The following SRBD1 variants were observed in gnomAD, a reference collection of about 807,000 sequenced individuals.
The protein encoded by SRBD1 is S1 RNA binding domain 1.
In SRBD1, 88 loss-of-function variants were observed where a neutral mutation model predicts 115.3. That is an observed-to-expected ratio of 0.76 (90% confidence interval 0.64 to 0.91). The LOEUF (loss-of-function observed/expected upper bound fraction) is 0.91. Ranked by LOEUF, SRBD1 falls within the 40% of genes least tolerant of loss-of-function variation. SRBD1 has a pLI of 0.00. For missense variants in SRBD1, 1,385 were observed against 1,177.4 expected, an observed-to-expected ratio of 1.18 and a Z score of -2.58; for synonymous variants, 509 against 407.7, an observed-to-expected ratio of 1.25 and a Z score of -2.99.
intron 19 of SRBD1, among the ~76,000 whole-genome samples, chr2:45,403,193 T>C (rs1667336984): frequency 6.6e-6 from 1 of 152,120 alleles, no homozygotes; most frequent in Non-Finnish European, 1.5e-5. Context: ...GTCTTGAAAT[T>C]TTTTCAATCC....
At chr2:45,463,175 AC>A (rs1279282964) in intron 16 of SRBD1, among the ~76,000 whole-genome samples, 1 of 152,152 alleles carries the variant, frequency 6.6e-6, no homozygotes, top group Non-Finnish European at 1.5e-5. Context: ...CCATGAGTGA[AC>A]CCATACCATA....
intron 5 of SRBD1, among the ~76,000 whole-genome samples, chr2:45,585,383 C>T (rs562821810): frequency 4.6e-5 from 7 of 152,316 alleles, no homozygotes; most frequent in African/African-American, 1.7e-4. Context: ...GAGGCACACA[C>T]TTTTACTGCA....
chr2:45,586,803 T>G (rs1673538783), intron 4 of SRBD1, among the ~76,000 whole-genome samples: 2 of 151,384 alleles, frequency 1.3e-5, no homozygotes, highest in African/African-American at 4.8e-5. Context: ...CGTCTCAGCC[T>G]CCGAAAGTGC....
chr2:45,562,432 C>G (rs542979833), intron 10 of SRBD1, among the ~76,000 whole-genome samples: 1 of 152,116 alleles, frequency 6.6e-6, no homozygotes, highest in East Asian at 1.9e-4. Flanking sequence ...CAGGGTTTCA[C>G]CATCTTGGCC....
chr2:45,538,778 G>A (rs915811363), intron 14 of SRBD1, among the ~76,000 whole-genome samples: 1 of 152,280 alleles, frequency 6.6e-6, no homozygotes, highest in Middle Eastern at 3.4e-3. Flanking sequence ...ATAAATGAAT[G>A]CATAAGTAAA....
chr2:45,600,308 T>TC (rs1318165530), intron 3 of SRBD1, among the ~76,000 whole-genome samples: 14 of 120,424 alleles, frequency 1.2e-4, no homozygotes, highest in Non-Finnish European at 1.9e-4. Context: ...ATGCTACCAT[T>TC]CGGGAAAAAA....
intron 15 of SRBD1, among the ~76,000 whole-genome samples, chr2:45,482,103 T>C (rs1558424241): frequency 6.6e-6 from 1 of 152,138 alleles, no homozygotes; most frequent in East Asian, 1.9e-4. Flanking sequence ...AGGGTAAATT[T>C]TATGTTATGT....
intron 2 of SRBD1, among the ~76,000 whole-genome samples, chr2:45,604,688 C>A (rs1315039848): frequency 1.3e-5 from 2 of 152,168 alleles, no homozygotes; most frequent in African/African-American, 2.4e-5. Context: ...CCCCAAATCT[C>A]ATCTAGATCT....
intron 19 of SRBD1, 139 bp from the exon 20 acceptor site, chr2:45,393,268 T>C: frequency 1.2e-6 from 1 of 858,796 alleles, no homozygotes; most frequent in Non-Finnish European, 1.6e-6. Context: ...CTATTATGTG[T>C]CCTGTGCTGT....
chr2:45,558,352 T>G (rs1386031012), intron 10 of SRBD1, among the ~76,000 whole-genome samples: 1 of 152,212 alleles, frequency 6.6e-6, no homozygotes, highest in African/African-American at 2.4e-5. Flanking sequence ...TACGTTTTTA[T>G]TTAGAGAGCA....
chr2:45,491,967 GC>G (rs144159711), intron 14 of SRBD1, among the ~76,000 whole-genome samples: 52,979 of 151,842 alleles, frequency 0.35, 10,271 homozygotes, highest in Non-Finnish European at 0.45. Context: ...GATTATAGGT[GC>G]CCACCATCAT....
intron 16 of SRBD1, among the ~76,000 whole-genome samples, chr2:45,454,886 G>A (rs910764841): frequency 6.6e-6 from 1 of 151,760 alleles, no homozygotes; most frequent in Non-Finnish European, 1.5e-5. Context: ...AATAATCACA[G>A]AAAGTAAGAA....
At chr2:45,418,793 G>C (rs1364242402) in intron 17 of SRBD1, among the ~76,000 whole-genome samples, 1 of 151,822 alleles carries the variant, frequency 6.6e-6, no homozygotes, top group Non-Finnish European at 1.5e-5. Context: ...CTGGTAAGAA[G>C]GCTAACACTG....
At chr2:45,551,387 T>C (rs1313563598) in intron 11 of SRBD1, 105 bp from the exon 12 acceptor site, 2 of 1,152,092 alleles carry the variant, frequency 1.7e-6, no homozygotes, top group Admixed American at 3.1e-5. Flanking sequence ...GGATAATTTA[T>C]TATAACAATA....
Position 45,558,265 on chromosome 2 carries a change from G to A in SRBD1, c.1409+4388C>T, listed in dbSNP as rs142077019. Among the ~76,000 whole-genome samples the A allele has an allele frequency of 2.4e-3, 372 of 152,252 alleles. 5 individuals carry two copies. The highest frequency in any genetic ancestry group is 8.5e-3 in the African/African-American group (351 of 41,526). Reference sequence around the variant, plus strand: ...GGATTGTTTAAATCCAGGAGTTTGAGACCAGCCTGAGCAACATAGTGAGAT... The same window carrying A: ...GGATTGTTTAAATCCAGGAGTTTGAAACCAGCCTGAGCAACATAGTGAGAT... On this transcript the variant is annotated intron_variant, in intron 10 of 20. Coordinates refer to ENST00000263736, the MANE Select transcript of SRBD1 (RefSeq NM_018079.5).
intron 14 of SRBD1, among the ~76,000 whole-genome samples, chr2:45,516,318 G>A (rs1671116849): frequency 6.6e-6 from 1 of 152,058 alleles, no homozygotes; most frequent in Non-Finnish European, 1.5e-5. Context: ...TTGAAAGGTG[G>A]GATCTGTGTG....
At chr2:45,609,391 C>A (rs1674375014) in intron 1 of SRBD1, among the ~76,000 whole-genome samples, 1 of 152,210 alleles carries the variant, frequency 6.6e-6, no homozygotes, top group Non-Finnish European at 1.5e-5. Context: ...CAACCTCCCT[C>A]ACTTGAACTA....
chr2:45,564,030 T>C (rs1273982217), intron 9 of SRBD1, among the ~76,000 whole-genome samples: 1 of 152,180 alleles, frequency 6.6e-6, no homozygotes, highest in Non-Finnish European at 1.5e-5. Flanking sequence ...TGAATATAGA[T>C]GTAAAAATCC....
intron 18 of SRBD1, among the ~76,000 whole-genome samples, chr2:45,414,515 ATAGT>A (rs1558562813): frequency 1.3e-5 from 2 of 149,620 alleles, no homozygotes; most frequent in Non-Finnish European, 3.0e-5. Flanking sequence ...GTGTACACAC[ATAGT>A]GTGTATATAG....
Sources: gnomAD v4.1 joint callset for allele counts (sites outside exome capture counted in the v4.1 genomes callset) on GRCh38, gnomAD v4.1.1 for gene constraint, MANE v1.5 for transcripts, NCBI Gene and HGNC (gene_info 2026-07-23, HGNC 2026-07-21) for gene names.